The following BMP6 variants were observed in gnomAD, a reference collection of about 807,000 sequenced individuals.
The protein encoded by BMP6 is bone morphogenetic protein 6.
BMP6 carries 17 observed loss-of-function variants against 54.1 expected under a neutral mutation model. The ratio of observed to expected loss-of-function variants is 0.31; its 90% CI spans 0.22 to 0.47. The LOEUF (loss-of-function observed/expected upper bound fraction) is 0.47, where lower values mean the gene tolerates loss of function less well. BMP6 is among the 20% of genes least tolerant of loss of function. The pLI is 1.00. For synonymous variants in BMP6, 328 were observed against 291.2 expected (o/e 1.13, Z -1.28); for missense variants, 720 against 690.4 (o/e 1.04, Z -0.48).
intron 4 of BMP6, among the ~76,000 whole-genome samples, chr6:7,868,815 G>C (rs759140073): frequency 6.6e-6 from 1 of 152,184 alleles, no homozygotes. Context: ...CAGGGCAGCC[G>C]AGTGGCCCCT....
chr6:7,737,253 A>T (rs757371270), intron 1 of BMP6, among the ~76,000 whole-genome samples: 7 of 151,964 alleles, frequency 4.6e-5, no homozygotes, highest in Admixed American at 1.3e-4. Context: ...TTGTCTCATA[A>T]CATCTGACTT....
At chr6:7,730,556 G>A (rs1224426103) in intron 1 of BMP6, among the ~76,000 whole-genome samples, 1 of 152,192 alleles carries the variant, frequency 6.6e-6, no homozygotes, top group Non-Finnish European at 1.5e-5. Context: ...AGCAAGCCAT[G>A]CCACCTGCCA....
rs528398623 is a variant in BMP6 at position 7,731,401 on chromosome 6, C to T, written c.664+3782C>T. On this transcript the variant is annotated intron_variant, in intron 1 of 6. Transcript: ENST00000283147. ...GGTCATGCCTCCATCCCACCCACTT[C>T]TGTACCATGACAGCACTCTGCTTAT... Among the ~76,000 whole-genome samples the T allele has an allele frequency of 3.9e-5, 6 of 152,344 alleles. No homozygotes were observed. The South Asian group carries it at 6.2e-4, about 16-fold the overall frequency.
At chr6:7,872,813 T>C (rs868594629) in intron 4 of BMP6, among the ~76,000 whole-genome samples, 1 of 120,390 alleles carries the variant, frequency 8.3e-6, no homozygotes. Context: ...TCTTTTTTTT[T>C]CTTTTTTTTT....
chr6:7,823,506 A>G (rs1758647200), intron 1 of BMP6, among the ~76,000 whole-genome samples: 1 of 152,210 alleles, frequency 6.6e-6, no homozygotes, highest in Admixed American at 6.5e-5. Flanking sequence ...ACAATAAATT[A>G]ATAAATTCAA....
chr6:7,846,816 G>A (rs1759072809), intron 2 of BMP6, among the ~76,000 whole-genome samples: 1 of 152,100 alleles, frequency 6.6e-6, no homozygotes. Context: ...GGTATTCACT[G>A]ACTCTTTGGA....
intron 1 of BMP6, among the ~76,000 whole-genome samples, chr6:7,839,637 T>C (rs1456018778): frequency 6.6e-6 from 1 of 152,242 alleles, no homozygotes; most frequent in Non-Finnish European, 1.5e-5. Flanking sequence ...TGTGTCAGAA[T>C]TTCCTTCCGT....
In BMP6 at chr6:7,870,429, G is replaced by A. The variant is rs140394180; in HGVS notation, c.1204+7931G>A. On this transcript the variant is annotated intron_variant, in intron 4 of 6. Coordinates refer to ENST00000283147, the MANE Select transcript of BMP6 (RefSeq NM_001718.6). ...AAAGTATTGGAAAAATGAAGGCAAC[G>A]TATTGGAAACATAAAGGCTTCATAA... 8.5e-5 allele frequency among the ~76,000 whole-genome samples: 13 copies of A among 152,292 alleles called. No homozygotes were observed. The East Asian group carries it at 1.9e-3, about 23-fold the overall frequency.
intron 1 of BMP6, among the ~76,000 whole-genome samples, chr6:7,838,929 G>A (rs1319579500): frequency 1.5e-5 from 2 of 136,610 alleles, no homozygotes; most frequent in Admixed American, 7.6e-5. Context: ...GTGACAGAGC[G>A]AGACTCTGTC....
chr6:7,849,648 A>G (rs887353746), intron 2 of BMP6, among the ~76,000 whole-genome samples: 9 of 152,246 alleles, frequency 5.9e-5, no homozygotes, highest in Non-Finnish European at 1.2e-4. Flanking sequence ...GGTTAAAGGC[A>G]TACTTTTACT....
In BMP6 at chr6:7,820,978, C is replaced by T. The variant is rs114451264; in HGVS notation, c.665-24162C>T. The stretch of plus-strand genomic sequence containing the variant: ...AATCTGACAGGAGGTGGAGCTCAGG[C>T]GGAAATGCTCATCGCCAGCCATGCA... On this transcript the variant is annotated intron_variant, in intron 1 of 6. Coordinates refer to ENST00000283147, the MANE Select transcript of BMP6 (RefSeq NM_001718.6). 4.0e-3 allele frequency among the ~76,000 whole-genome samples: 602 copies of T among 152,320 alleles called. 1 individual carries two copies. Among genetic ancestry groups the T allele is most frequent in the African/African-American group, 0.012 (498 of 41,576 alleles).
intron 1 of BMP6, among the ~76,000 whole-genome samples, chr6:7,779,266 T>C (rs1351015624): frequency 6.6e-6 from 1 of 152,188 alleles, no homozygotes; most frequent in Non-Finnish European, 1.5e-5. Flanking sequence ...GCTCAAGTTA[T>C]CAGCTCCACT....
At chr6:7,790,340 C>T (rs1324565161) in intron 1 of BMP6, among the ~76,000 whole-genome samples, 2 of 148,380 alleles carry the variant, frequency 1.3e-5, no homozygotes, top group Non-Finnish European at 3.0e-5. Flanking sequence ...CATGGTGAAA[C>T]TCCATCTCTA....
intron 1 of BMP6, among the ~76,000 whole-genome samples, chr6:7,814,941 A>G (rs964516862): frequency 2.0e-5 from 3 of 152,208 alleles, no homozygotes; most frequent in African/African-American, 4.8e-5. Context: ...CTATGTAACA[A>G]AAGTGCACAT....
rs1174848258 is a variant in BMP6 at position 7,880,269 on chromosome 6, T to C, written c.1468T>C (p.Tyr490His). The change falls in exon 7 of 7, where the codon TAC (tyrosine) becomes CAC (histidine). Residue 490 changes from tyrosine to histidine, a missense_variant. Tyr to His is a moderately conservative substitution (Grantham distance 83). This residue lies in a region of BMP6 where 43 missense variants were observed against 54.0 expected (regional missense o/e 0.80). Coordinates refer to ENST00000283147, the MANE Select transcript of BMP6 (RefSeq NM_001718.6). ...TAAGCTAAATGCCATCTCGGTTCTTTACTTTGATGACAACTCCAATGTCAT... is the reference window on the plus strand; with the variant it reads ...TAAGCTAAATGCCATCTCGGTTCTTCACTTTGATGACAACTCCAATGTCAT... The part of the protein sequence containing the change: ...PTKLNAISVL[Y>H]FDDNSNVILK... 9 of 1,614,170 alleles carry C rather than the reference T, an allele frequency of 5.6e-6. 1 individual carries two copies. The highest frequency in any genetic ancestry group is 3.3e-5 in the Admixed American group (2 of 60,022).
Position 7,782,221 on chromosome 6 carries a change from A to G in BMP6, c.664+54602A>G, listed in dbSNP as rs191180075. The stretch of plus-strand genomic sequence containing the variant: ...ACCTGGAAGGGAGGGTACCTTCTTC[A>G]TTGAGATAGGGAACTCTAGGAAGCC... On this transcript the variant is annotated intron_variant, in intron 1 of 6. Coordinates refer to ENST00000283147, the MANE Select transcript of BMP6 (RefSeq NM_001718.6). 1.2e-4 allele frequency among the ~76,000 whole-genome samples: 17 copies of G among 143,030 alleles called. No individual in the cohort carries two copies. The East Asian group carries it at 3.1e-3, about 26-fold the overall frequency. 93.8% of individuals were successfully genotyped at this position (143,030 alleles called of 152,430 possible).
chr6:7,792,666 G>T (rs1031768257), intron 1 of BMP6, among the ~76,000 whole-genome samples: 1 of 152,196 alleles, frequency 6.6e-6, no homozygotes, highest in Non-Finnish European at 1.5e-5. Context: ...TTTCATGGAT[G>T]GTCTGTAGGA....
intron 1 of BMP6, among the ~76,000 whole-genome samples, chr6:7,739,639 G>C (rs1255889909): frequency 1.4e-5 from 2 of 148,006 alleles, no homozygotes; most frequent in African/African-American, 4.9e-5. Context: ...GTTCCAAATA[G>C]CACCCAGTCA....
Position 7,863,625 on chromosome 6 carries a change from G to A in BMP6, c.1204+1127G>A, listed in dbSNP as rs560220649. On this transcript the variant is annotated intron_variant, in intron 4 of 6. Transcript: ENST00000283147. ...ACTGTGTGCTCACCCGGGAGCTAAGGAATAAGGTGAGTCCCATTCTGCTCA... is the reference window on the plus strand; with the variant it reads ...ACTGTGTGCTCACCCGGGAGCTAAGAAATAAGGTGAGTCCCATTCTGCTCA... Among the ~76,000 whole-genome samples, 5 of 152,234 alleles carry A rather than the reference G, an allele frequency of 3.3e-5. 1 individual carries two copies. Among genetic ancestry groups the A allele is most frequent in the Middle Eastern group, 6.8e-3 (2 of 294 alleles).
Sources: allele counts gnomAD v4.1 joint callset (sites outside exome capture counted in the v4.1 genomes callset), GRCh38; gene constraint gnomAD v4.1.1; regional missense constraint gnomAD v4.1.1; transcripts MANE v1.5; gene names NCBI Gene and HGNC (gene_info 2026-07-23, HGNC 2026-07-21).